ANKMY2: variants seen among roughly 807,000 people sequenced by gnomAD.
The protein encoded by ANKMY2 is ankyrin repeat and MYND domain containing 2.
In ANKMY2, 36 loss-of-function variants were observed where a neutral mutation model predicts 50.4. The observed-to-expected ratio is 0.71, with a 90% CI of 0.55 to 0.94. The LOEUF (loss-of-function observed/expected upper bound fraction) is 0.94, where lower values mean the gene tolerates loss of function less well. ANKMY2 is among the 40% of genes least tolerant of loss of function. ANKMY2 has a pLI of 0.00. For synonymous variants in ANKMY2, 187 were observed against 178.8 expected (o/e 1.05, Z -0.36); for missense variants, 565 against 524.0 (o/e 1.08, Z -0.76).
intron 9 of ANKMY2, among the ~76,000 whole-genome samples, chr7:16,601,341 T>C (rs1781061626): frequency 6.6e-6 from 1 of 152,254 alleles, no homozygotes; most frequent in Non-Finnish European, 1.5e-5. Context: ...AAGGCTATCC[T>C]ACATTGGTGA....
chr7:16,603,279 C>G (rs1014085900), intron 8 of ANKMY2, among the ~76,000 whole-genome samples: 1 of 152,124 alleles, frequency 6.6e-6, no homozygotes, highest in African/African-American at 2.4e-5. Context: ...GAGAGGCAGG[C>G]ACCTAAATAC....
intron 2 of ANKMY2, among the ~76,000 whole-genome samples, chr7:16,632,740 G>T (rs1394763448): frequency 6.6e-6 from 1 of 152,164 alleles, no homozygotes; most frequent in Non-Finnish European, 1.5e-5. Flanking sequence ...ATTTTGTGTG[G>T]ATATATGTTT....
intron 2 of ANKMY2, among the ~76,000 whole-genome samples, chr7:16,629,827 T>C (rs1383767424): frequency 6.6e-6 from 1 of 152,200 alleles, no homozygotes; most frequent in Non-Finnish European, 1.5e-5. Context: ...ATGATTACTA[T>C]GCATTATCTT....
At chr7:16,611,173 T>C (rs1781244664) in intron 5 of ANKMY2, among the ~76,000 whole-genome samples, 1 of 152,254 alleles carries the variant, frequency 6.6e-6, no homozygotes, top group Non-Finnish European at 1.5e-5. Flanking sequence ...TAGAATTTCA[T>C]GGCTAGGAGA....
intron 2 of ANKMY2, among the ~76,000 whole-genome samples, chr7:16,631,774 C>T (rs897847854): frequency 2.0e-5 from 3 of 151,998 alleles, no homozygotes; most frequent in African/African-American, 7.3e-5. Flanking sequence ...GCCACCACGC[C>T]TGGCTAATTT....
intron 2 of ANKMY2, among the ~76,000 whole-genome samples, chr7:16,634,752 G>C (rs1236607368): frequency 6.6e-6 from 1 of 152,122 alleles, no homozygotes; most frequent in Non-Finnish European, 1.5e-5. Flanking sequence ...ACAAGGAAGT[G>C]CCTTAGTTCA....
At chr7:16,617,927 T>G (rs1379085948) in intron 4 of ANKMY2, among the ~76,000 whole-genome samples, 1 of 137,092 alleles carries the variant, frequency 7.3e-6, no homozygotes, top group Non-Finnish European at 1.5e-5. Context: ...GTTTTTTTTT[T>G]TTTTTTTTTT....
chr7:16,612,122 C>T (rs1014197820), intron 5 of ANKMY2, among the ~76,000 whole-genome samples: 1 of 152,178 alleles, frequency 6.6e-6, no homozygotes. Context: ...ATGCACAGAG[C>T]AGACAGCCAG....
At chr7:16,606,044 C>G (rs529156929) in intron 7 of ANKMY2, among the ~76,000 whole-genome samples, 1 of 152,124 alleles carries the variant, frequency 6.6e-6, no homozygotes, top group South Asian at 2.1e-4. Context: ...GTCTCAAACT[C>G]CTGACCTCGT....
chr7:16,609,319 AGT>A (rs1781208498), intron 7 of ANKMY2, among the ~76,000 whole-genome samples: 1 of 152,192 alleles, frequency 6.6e-6, no homozygotes, highest in African/African-American at 2.4e-5. Flanking sequence ...TATAGCTACA[AGT>A]GTACATGTGT....
chr7:16,627,191 G>A lies in ANKMY2; in HGVS notation c.133-13C>T, dbSNP rs1247348293. On this transcript the variant is annotated splice_polypyrimidine_tract_variant and intron_variant, in intron 2 of 9. Coordinates refer to ENST00000306999, the MANE Select transcript of ANKMY2 (RefSeq NM_020319.3). Reference sequence around the variant, plus strand: ...GAGTCATTCCATTCTTTAATAGAAAGAGGAAAAAAGTATTAATTTTACTGT... The same window carrying A: ...GAGTCATTCCATTCTTTAATAGAAAAAGGAAAAAAGTATTAATTTTACTGT... 8 of 1,544,298 alleles carry A rather than the reference G, an allele frequency of 5.2e-6. No individual in the cohort carries two copies. In the Admixed American group the frequency reaches 7.8e-5, roughly 15 times the overall value.
At chr7:16,641,914 A>G (rs762010947) in intron 1 of ANKMY2, among the ~76,000 whole-genome samples, 1 of 152,220 alleles carries the variant, frequency 6.6e-6, no homozygotes, top group Non-Finnish European at 1.5e-5. Flanking sequence ...TTAGTGACAG[A>G]TCACAAAGAG....
chr7:16,645,453 G>C, intron 1 of ANKMY2, 54 bp downstream of exon 1: 3 of 1,544,176 alleles, frequency 1.9e-6, no homozygotes, highest in Non-Finnish European at 2.6e-6. Flanking sequence ...CCCGGGCTCC[G>C]CCACGCCCCC....
intron 2 of ANKMY2, 43 bp from the exon 3 acceptor site, chr7:16,627,221 T>C (rs1339926815): frequency 2.8e-6 from 4 of 1,406,154 alleles, no homozygotes; most frequent in Non-Finnish European, 9.7e-7. Context: ...TACTGTTTTA[T>C]CTTTTCTGTA....
intron 5 of ANKMY2, 120 bp from the exon 6 acceptor site, chr7:16,610,883 G>A (rs371312928): frequency 4.9e-5 from 40 of 813,016 alleles, no homozygotes; most frequent in East Asian, 3.7e-4. Flanking sequence ...GGATCATGAA[G>A]TTATTATGTT....
intron 1 of ANKMY2, among the ~76,000 whole-genome samples, chr7:16,637,827 T>C (rs1199216581): frequency 3.9e-5 from 6 of 152,240 alleles, no homozygotes; most frequent in South Asian, 2.1e-4. Context: ...ATTTTCTTTT[T>C]CTATCTGCCC....
chr7:16,625,177 G>C (rs1781492576), intron 3 of ANKMY2, 96 bp from the exon 4 acceptor site: 10 of 872,790 alleles, frequency 1.1e-5, no homozygotes, highest in African/African-American at 1.7e-5. Flanking sequence ...CCCCCAGTTA[G>C]TTTTAGGTTT....
Position 16,602,470 on chromosome 7 carries a change from A to C in ANKMY2, c.1051T>G (p.Phe351Val). The C allele has an allele frequency of 6.2e-7, 1 of 1,613,764 alleles. No individual in the cohort carries two copies. The highest frequency in any genetic ancestry group is 8.5e-7 in the Non-Finnish European group (1 of 1,179,936). Residue 351 changes from phenylalanine to valine, a missense_variant, in exon 9 of 10, where the codon TTT becomes GTT. By Grantham distance (50) the Phe-to-Val change is conservative. Transcript: ENST00000306999. ...CDQTCQKTHWFTHKKICKNLK... is the reference protein window; with the variant it reads ...CDQTCQKTHWVTHKKICKNLK... ...TTCTTACAGATTTTCTTATGAGTAA[A>C]CCAGTGTGTTTTCTGGCAGGTTTGA...
intron 1 of ANKMY2, among the ~76,000 whole-genome samples, chr7:16,644,329 T>C (rs1781785622): frequency 6.6e-6 from 1 of 152,236 alleles, no homozygotes; most frequent in Non-Finnish European, 1.5e-5. Context: ...CATTGATAGA[T>C]ATAGCTGTGA....
Sources: allele counts gnomAD v4.1 joint callset (sites outside exome capture counted in the v4.1 genomes callset), GRCh38; gene constraint gnomAD v4.1.1; transcripts MANE v1.5; gene names NCBI Gene and HGNC (gene_info 2026-07-23, HGNC 2026-07-21).